Variants in NEK1 observed in about 807,000 individuals in gnomAD.
NEK1 encodes NIMA related kinase 1.
A neutral mutation model predicts 182.1 loss-of-function variants in NEK1; 137 were observed. The observed-to-expected ratio is 0.75, with a 90% CI of 0.65 to 0.87. NEK1 has a LOEUF of 0.87. Among genes scored for constraint, NEK1 ranks in the 40% least tolerant of loss-of-function variants. NEK1 has a pLI of 0.00. For missense variants in NEK1, 1,391 were observed against 1,494.4 expected (o/e 0.93, Z 1.14); for synonymous variants, 513 against 492.2 (o/e 1.04, Z -0.56).
At chr4:169,492,218 C>G (rs908215160) in intron 23 of NEK1, among the ~76,000 whole-genome samples, 2 of 152,200 alleles carry the variant, frequency 1.3e-5, no homozygotes, top group Non-Finnish European at 2.9e-5. Flanking sequence ...AAGATTCAGA[C>G]GCTGCTTCAA....
chr4:169,581,566 T>G (rs750434637), intron 10 of NEK1, among the ~76,000 whole-genome samples: 7 of 152,198 alleles, frequency 4.6e-5, no homozygotes, highest in Non-Finnish European at 8.8e-5. Context: ...ATTAAAGGTA[T>G]GTGCCACCGT....
At chr4:169,428,581 C>T (rs896884061) in intron 29 of NEK1, among the ~76,000 whole-genome samples, 5 of 150,280 alleles carry the variant, frequency 3.3e-5, no homozygotes, top group East Asian at 2.0e-4. Flanking sequence ...AGGGAAAAAA[C>T]GGGGGATGAT....
Position 169,477,081 on chromosome 4 carries a change from T to C in NEK1, c.2434+43A>G, listed in dbSNP as rs577671902. The C allele has an allele frequency of 1.1e-4, 142 of 1,335,766 alleles. No individual in the cohort carries two copies. In the South Asian group the frequency reaches 1.9e-3, roughly 18 times the overall value. 82.7% of individuals were successfully genotyped at this position (1,335,766 alleles called of 1,614,324 possible). ...AGTGGTTAGTCTATAAGTTTACATA[T>C]GTACTAGACCTAAATAGGATATTAA... On this transcript the variant is annotated intron_variant, in intron 26 of 35. Transcript: ENST00000507142.
intron 27 of NEK1, among the ~76,000 whole-genome samples, chr4:169,448,985 G>A (rs756197202): frequency 6.6e-6 from 1 of 152,228 alleles, no homozygotes; most frequent in African/African-American, 2.4e-5. Context: ...CTTAGCAACC[G>A]GCAGACTAGG....
intron 21 of NEK1, 37 bp from the exon 22 acceptor site, chr4:169,507,829 G>T: frequency 6.9e-7 from 1 of 1,457,358 alleles, no homozygotes; most frequent in Non-Finnish European, 9.6e-7. Flanking sequence ...ACTTAGGATA[G>T]AATCATCAAA....
intron 11 of NEK1, among the ~76,000 whole-genome samples, chr4:169,577,648 G>A (rs1044157170): frequency 6.6e-6 from 1 of 152,026 alleles, no homozygotes; most frequent in African/African-American, 2.4e-5. Flanking sequence ...CAGCTACTTG[G>A]GAGGCTGAGG....
At chr4:169,595,200 C>T (rs771974642) in intron 5 of NEK1, among the ~76,000 whole-genome samples, 2 of 152,068 alleles carry the variant, frequency 1.3e-5, no homozygotes, top group Non-Finnish European at 2.9e-5. Flanking sequence ...TGACAAACAT[C>T]ATGAATGCTA....
intron 9 of NEK1, among the ~76,000 whole-genome samples, chr4:169,587,072 G>T (rs1056294902): frequency 2.0e-5 from 3 of 151,624 alleles, no homozygotes; most frequent in Admixed American, 2.0e-4. Flanking sequence ...TTTTTAGTGT[G>T]TTATATGTTA....
chr4:169,422,973 A>G (rs1348663985), intron 31 of NEK1, among the ~76,000 whole-genome samples: 1 of 152,176 alleles, frequency 6.6e-6, no homozygotes, highest in Non-Finnish European at 1.5e-5. Context: ...TTGGTAGTTC[A>G]CACCTTTCAA....
chr4:169,604,341 G>A (rs28529722), intron 2 of NEK1, among the ~76,000 whole-genome samples: 13,562 of 152,168 alleles, frequency 0.089, 788 homozygotes, highest in African/African-American at 0.16. Flanking sequence ...AAGCTAGCTA[G>A]TGAAAGCTGA....
chr4:169,523,372 T>C (rs571341482), intron 19 of NEK1, among the ~76,000 whole-genome samples: 42 of 152,316 alleles, frequency 2.8e-4, no homozygotes, highest in African/African-American at 6.3e-4. Flanking sequence ...CCTAATTCAG[T>C]AGGACTGGTG....
At chr4:169,420,775 AAAGG>A (rs1288032934) in intron 31 of NEK1, among the ~76,000 whole-genome samples, 2 of 152,210 alleles carry the variant, frequency 1.3e-5, no homozygotes, top group Non-Finnish European at 2.9e-5. Context: ...TACTAAATCC[AAAGG>A]AAGGAAGAAT....
chr4:169,583,052 T>C (rs1766931395), intron 10 of NEK1, among the ~76,000 whole-genome samples: 1 of 152,070 alleles, frequency 6.6e-6, no homozygotes, highest in Non-Finnish European at 1.5e-5. Context: ...GGTATTAAAA[T>C]GGTAGGGAGC....
chr4:169,565,320 C>G (rs188452840), intron 12 of NEK1, among the ~76,000 whole-genome samples: 1 of 152,292 alleles, frequency 6.6e-6, no homozygotes, highest in East Asian at 1.9e-4. Context: ...CTGCTACTTT[C>G]TATCACTTGA....
At chr4:169,607,359 T>G (rs1167041502) in intron 2 of NEK1, among the ~76,000 whole-genome samples, 1 of 152,184 alleles carries the variant, frequency 6.6e-6, no homozygotes, top group Non-Finnish European at 1.5e-5. Context: ...GACTTGAAAG[T>G]AACCATGATT....
At chr4:169,560,957 T>A (rs1762813623) in intron 16 of NEK1, among the ~76,000 whole-genome samples, 1 of 151,392 alleles carries the variant, frequency 6.6e-6, no homozygotes, top group Non-Finnish European at 1.5e-5. Context: ...GGATGGAGAG[T>A]GCTATTAAGT....
chr4:169,578,563 T>C (rs1205352353), intron 11 of NEK1, among the ~76,000 whole-genome samples: 6 of 152,298 alleles, frequency 3.9e-5, no homozygotes, highest in South Asian at 4.1e-4. Context: ...CATCATATAA[T>C]AGTATAAATT....
intron 2 of NEK1, among the ~76,000 whole-genome samples, chr4:169,607,821 TAAG>T (rs764037380): frequency 1.3e-5 from 2 of 151,942 alleles, no homozygotes; most frequent in African/African-American, 4.8e-5. Flanking sequence ...TATCTGAAAT[TAAG>T]AACTCATTCA....
chr4:169,457,454 A>C (rs1743107124), intron 27 of NEK1, among the ~76,000 whole-genome samples: 3 of 151,692 alleles, frequency 2.0e-5, no homozygotes, highest in South Asian at 4.2e-4. Context: ...CTGGAGAAAA[A>C]AAAACAGAAT....
Sources: allele counts gnomAD v4.1 joint callset (sites outside exome capture counted in the v4.1 genomes callset), GRCh38; gene constraint gnomAD v4.1.1; transcripts MANE v1.5; gene names NCBI Gene and HGNC (gene_info 2026-07-23, HGNC 2026-07-21).